The following USP8 variants were observed in gnomAD, a reference collection of about 807,000 sequenced individuals.
USP8 encodes ubiquitin specific peptidase 8.
Under a neutral mutation model 130.0 loss-of-function variants are expected in USP8, and 27 were observed. The observed-to-expected ratio is 0.21, with a 90% CI of 0.15 to 0.29. The LOEUF (loss-of-function observed/expected upper bound fraction) is 0.29, where lower values mean the gene tolerates loss of function less well. Among genes scored for constraint, USP8 ranks in the 10% least tolerant of loss-of-function variants. The probability of loss-of-function intolerance (pLI) is 1.00; values close to 1 mark genes in which losing one functional copy is unlikely to be tolerated. For synonymous variants in USP8, 392 were observed against 444.1 expected (o/e 0.88, Z 1.48); for missense variants, 1,029 against 1,312.2 (o/e 0.78, Z 3.33).
At chr15:50,453,436 CAT>C (rs560515618) in intron 4 of USP8, among the ~76,000 whole-genome samples, 2 of 152,208 alleles carry the variant, frequency 1.3e-5, no homozygotes, top group Non-Finnish European at 2.9e-5. Context: ...TTAATTTCCA[CAT>C]ATGTGGGATT....
chr15:50,438,389 G>T (rs1005784255), intron 1 of USP8, among the ~76,000 whole-genome samples: 2 of 152,194 alleles, frequency 1.3e-5, no homozygotes, highest in Non-Finnish European at 2.9e-5. Flanking sequence ...TTTGAGACCA[G>T]CCTGGCCAAT....
At chr15:50,444,630 C>G (rs971062733) in intron 3 of USP8, 1 of 152,062 alleles carries the variant, frequency 6.6e-6, no homozygotes, top group African/African-American at 2.4e-5. Context: ...TGAGACGCTC[C>G]CTGCAAAGGC....
chr15:50,458,614 G>A, intron 4 of USP8: 1 of 166,478 alleles, frequency 6.0e-6, no homozygotes, highest in Non-Finnish European at 1.3e-5. Flanking sequence ...TTGAATGTTT[G>A]TTTTCACATT....
intron 12 of USP8, among the ~76,000 whole-genome samples, chr15:50,486,327 A>G (rs1339628484): frequency 6.6e-6 from 1 of 151,766 alleles, no homozygotes. Flanking sequence ...CTAGAAAAAA[A>G]TATTAAAAAA....
Position 50,481,938 on chromosome 15 carries a change from A to C in USP8, c.1676A>C (p.His559Pro). The C allele has an allele frequency of 6.2e-7, 1 of 1,608,286 alleles. No homozygotes were observed. The highest frequency in any genetic ancestry group is 8.5e-7 in the Non-Finnish European group (1 of 1,178,642). The change falls in exon 11 of 20, where the codon CAT becomes CCT. Residue 559 changes from histidine (H) to proline (P), a missense_variant. By Grantham distance (77) the His-to-Pro change is moderately conservative (BLOSUM62 -2). This residue lies in a region of USP8 where 486 missense variants were observed against 522.0 expected (regional missense o/e 0.93). Coordinates refer to ENST00000307179, the MANE Select transcript of USP8 (RefSeq NM_005154.5). ...GTAAAAAGACAAAGTAAAAGTGAAC[A>C]TGAAACTTCTGATGCCAAGAAATCT... ...TGVKRQSKSE[H>P]ETSDAKKSVE... is the part of the protein sequence containing the mutation.
chr15:50,463,152 G>C (rs141685777), intron 6 of USP8, among the ~76,000 whole-genome samples: 1 of 152,114 alleles, frequency 6.6e-6, no homozygotes, highest in South Asian at 2.1e-4. Context: ...AGGAGGTTGA[G>C]GTGGGAGAAT....
chr15:50,476,828 A>G (rs759040089), intron 8 of USP8, 21 bp from the exon 9 acceptor site: 2 of 1,533,508 alleles, frequency 1.3e-6, no homozygotes, highest in South Asian at 2.6e-5. Flanking sequence ...CCTATTTAAA[A>G]TATGATTTCC....
chr15:50,490,115 C>T (rs1477974108), intron 13 of USP8, 148 bp from the exon 14 acceptor site: 15 of 968,834 alleles, frequency 1.5e-5, no homozygotes, highest in Non-Finnish European at 2.3e-5. Context: ...ACTTTAAAAC[C>T]TAAATTTCTT....
chr15:50,463,110 G>C (rs1334821988), intron 6 of USP8, among the ~76,000 whole-genome samples: 1 of 152,106 alleles, frequency 6.6e-6, no homozygotes, highest in Non-Finnish European at 1.5e-5. Flanking sequence ...TTAGCTGGGT[G>C]TGGTGGTGGA....
rs920185387 is a variant in USP8 at position 50,504,031 on chromosome 15, G to A, written c.*4943G>A. The A allele has an allele frequency of 1.4e-4, 22 of 152,106 alleles. No individual in the cohort carries two copies. Among genetic ancestry groups the A allele is most frequent in the Non-Finnish European group, 2.9e-4 (20 of 68,018 alleles). The allele number at this position is 152,106 out of a possible 1,614,324, so 9.4% of individuals were successfully genotyped here. On this transcript the variant is annotated 3_prime_UTR_variant, in exon 20 of 20. Transcript: ENST00000307179. ...AATGAGAAATACAACATAGTTGGCC[G>A]TCCATATTTACGGGCTCTGCATCTT...
At position 50,439,136 on chromosome 15, in the gene USP8, T is replaced by G; in HGVS notation, c.63T>G (p.Asn21Lys). ...LYLSSSLKDL[N>K]KKTEVKPEKI... is the part of the protein sequence containing the mutation. ...TCAGTTCTTCACTAAAAGACCTTAA[T>G]AAGAAGACAGAAGTTAAACCAGAGA... Residue 21 changes from asparagine to lysine, a missense_variant, in exon 2 of 20, where the codon AAT (asparagine) becomes AAG (lysine). Around this residue, in one of 4 missense-constraint regions of USP8, gnomAD observed 281 missense variants for 336.7 expected, o/e 0.83. Transcript: ENST00000307179. 2.5e-6 allele frequency: 4 copies of G among 1,588,830 alleles called. No homozygotes were observed. The highest frequency in any genetic ancestry group is 3.4e-6 in the Non-Finnish European group (4 of 1,172,462).
intron 5 of USP8, among the ~76,000 whole-genome samples, chr15:50,459,930 C>T (rs2050924136): frequency 6.7e-6 from 1 of 150,200 alleles, no homozygotes; most frequent in Non-Finnish European, 1.5e-5. Context: ...TTATCTGTTT[C>T]TGAGGTCTCA....
intron 1 of USP8, among the ~76,000 whole-genome samples, chr15:50,435,137 T>C (rs1308923336): frequency 1.3e-5 from 2 of 152,234 alleles, no homozygotes; most frequent in Non-Finnish European, 2.9e-5. Flanking sequence ...TTTATGTCAG[T>C]CTATTTTCAG....
At chr15:50,497,398 C>T (rs2052458911) in intron 18 of USP8, 167 bp downstream of exon 18, 2 of 725,098 alleles carry the variant, frequency 2.8e-6, no homozygotes, top group Non-Finnish European at 4.0e-6. Context: ...TGTTAGTTCA[C>T]CTCAGTGTTT....
intron 12 of USP8, among the ~76,000 whole-genome samples, chr15:50,488,035 T>C (rs2052025232): frequency 6.6e-6 from 1 of 152,230 alleles, no homozygotes; most frequent in African/African-American, 2.4e-5. Flanking sequence ...AAATGACATT[T>C]GCAAACATTT....
intron 15 of USP8, chr15:50,493,451 T>C (rs1202817465): frequency 5.8e-6 from 3 of 518,936 alleles, no homozygotes; most frequent in South Asian, 4.2e-5. Flanking sequence ...GAAAATATCT[T>C]TATCCTTAGG....
intron 9 of USP8, 49 bp from the exon 10 acceptor site, chr15:50,477,227 T>C: frequency 6.6e-7 from 1 of 1,513,996 alleles, no homozygotes; most frequent in South Asian, 1.2e-5. Context: ...GTAAGTACTG[T>C]GTATGGGGTT....
chr15:50,481,921 A>G lies in USP8; in HGVS notation c.1659A>G (p.Arg553=). The change falls in exon 11 of 20, where the codon AGA becomes AGG. Residue 553 remains arginine (R), a synonymous_variant. Coordinates refer to ENST00000307179, the MANE Select transcript of USP8 (RefSeq NM_005154.5). ...KRGKEITGVK[R]QSKSEHETSD... ...GCAAAGAAATAACAGGAGTAAAAAG[A>G]CAAAGTAAAAGTGAACATGAAACTT... is the stretch of plus-strand genomic sequence containing the variant. 6.2e-7 allele frequency: 1 copy of G among 1,608,424 alleles called. No homozygotes were observed. Among genetic ancestry groups the G allele is most frequent in the Non-Finnish European group, 8.5e-7 (1 of 1,178,380 alleles).
At chr15:50,462,862 TTA>T (rs1251457343) in intron 6 of USP8, among the ~76,000 whole-genome samples, 1 of 152,150 alleles carries the variant, frequency 6.6e-6, no homozygotes, top group African/African-American at 2.4e-5. Context: ...TTATTATCAT[TTA>T]TGACTAGGTT....
Sources: allele counts gnomAD v4.1 joint callset (sites outside exome capture counted in the v4.1 genomes callset), GRCh38; gene constraint gnomAD v4.1.1; regional missense constraint gnomAD v4.1.1; transcripts MANE v1.5; gene names NCBI Gene and HGNC (gene_info 2026-07-23, HGNC 2026-07-21).